Variants in ELF2 observed in about 807,000 individuals in gnomAD.
The protein encoded by ELF2 is E74 like ETS transcription factor 2.
Under a neutral mutation model 54.8 loss-of-function variants are expected in ELF2, and 11 were observed. The observed-to-expected ratio is 0.20, with a 90% CI of 0.13 to 0.33. The LOEUF (loss-of-function observed/expected upper bound fraction) is 0.33, where lower values mean the gene tolerates loss of function less well. Ranked by LOEUF, ELF2 falls within the 10% of genes least tolerant of loss-of-function variation. The probability of loss-of-function intolerance (pLI) is 1.00; values close to 1 mark genes in which losing one functional copy is unlikely to be tolerated. For synonymous variants in ELF2, 203 were observed against 245.1 expected (o/e 0.83, Z 1.61); for missense variants, 513 against 703.0 (o/e 0.73, Z 3.06).
At chr4:139,078,915 A>C (rs187347876) in intron 4 of ELF2, among the ~76,000 whole-genome samples, 1 of 152,136 alleles carries the variant, frequency 6.6e-6, no homozygotes, top group Non-Finnish European at 1.5e-5. Flanking sequence ...GCAACCATAA[A>C]TAACATTTTT....
In ELF2 at chr4:139,113,616, AAGG is replaced by A. The variant is rs1247320718; in HGVS notation, c.238+11545_238+11547del. Among the ~76,000 whole-genome samples the A allele has an allele frequency of 2.6e-5, 4 of 152,224 alleles. No individual in the cohort carries two copies. In the South Asian group the frequency reaches 6.2e-4, roughly 24 times the overall value. On this transcript the variant is annotated intron_variant, in intron 4 of 9. Coordinates refer to ENST00000686138, the MANE Select transcript of ELF2 (RefSeq NM_001331036.3). ...TGTAATCCCAGTACCTTGGGAGACCAAGGAGGACAGATCGAGTCACTTGATGTC... is the reference window on the plus strand; with the variant it reads ...TGTAATCCCAGTACCTTGGGAGACCAAGGACAGATCGAGTCACTTGATGTC...
chr4:139,151,449 T>G (rs1739989089), intron 1 of ELF2, among the ~76,000 whole-genome samples: 1 of 152,160 alleles, frequency 6.6e-6, no homozygotes, highest in Non-Finnish European at 1.5e-5. Flanking sequence ...AGGTGGGGAT[T>G]GGGGGATTCC....
At chr4:139,165,777 C>G (rs747873680) in intron 1 of ELF2, among the ~76,000 whole-genome samples, 92 of 152,304 alleles carry the variant, frequency 6.0e-4, no homozygotes, top group Non-Finnish European at 9.4e-4. Flanking sequence ...CTAAATCAGG[C>G]TTGATATGCT....
intron 4 of ELF2, among the ~76,000 whole-genome samples, chr4:139,120,576 C>T (rs1157502286): frequency 6.6e-6 from 1 of 151,958 alleles, no homozygotes; most frequent in African/African-American, 2.4e-5. Context: ...GTAGCTAGGA[C>T]TACAGGTGCA....
rs545212229 is a variant in ELF2, at chr4:139,103,598, A to G, written c.238+21566T>C. Among the ~76,000 whole-genome samples, 10 of 152,350 alleles carry G rather than the reference A, an allele frequency of 6.6e-5. No homozygotes were observed. The South Asian group carries it at 2.1e-3, about 32-fold the overall frequency. On this transcript the variant is annotated intron_variant, in intron 4 of 9. Transcript: ENST00000686138. ...ATGGGACCTCCATGACCCTTCCCCA[A>G]TACTTCACGCCCTATGCATTTCTTC...
At chr4:139,115,149 G>A in intron 4 of ELF2, 1 of 1,613,164 alleles carries the variant, frequency 6.2e-7, no homozygotes, top group East Asian at 2.2e-5. Context: ...GCTGCTCCAG[G>A]ATCCACTCCT....
intron 1 of ELF2, among the ~76,000 whole-genome samples, chr4:139,161,587 A>C (rs1342047900): frequency 6.6e-6 from 1 of 151,044 alleles, no homozygotes; most frequent in Admixed American, 6.6e-5. Context: ...ACAGGAAAGT[A>C]ACCTGAATGA....
Position 139,073,569 on chromosome 4 carries a change from T to C in ELF2, c.239-2A>G, listed in dbSNP as rs1729832906. 8 of 1,512,016 alleles carry C rather than the reference T, an allele frequency of 5.3e-6. No homozygotes were observed. The highest frequency in any genetic ancestry group is 5.4e-6 in the Non-Finnish European group (6 of 1,119,328). The allele number at this position is 1,512,016 out of a possible 1,614,324, so 93.7% of individuals were successfully genotyped here. A position where few individuals can be genotyped will look rare whatever the true frequency, so the allele number is the denominator to read the frequency against. On this transcript the variant is annotated splice_acceptor_variant, in intron 4 of 9. Coordinates refer to ENST00000686138, the MANE Select transcript of ELF2 (RefSeq NM_001331036.3). LOFTEE classifies it high-confidence loss of function. ...TACTGCTGTGAACTGATGCTTCCAC[T>C]GGAGGAAAAATAAGTTCTACTCAAT... is the stretch of plus-strand genomic sequence containing the variant.
chr4:139,070,111 G>A (rs1054077596), intron 6 of ELF2, among the ~76,000 whole-genome samples: 11 of 151,930 alleles, frequency 7.2e-5, no homozygotes, highest in African/African-American at 2.7e-4. Context: ...CCAAAGTGCT[G>A]GAATTACAGG....
chr4:139,109,422 C>T (rs1409574974), intron 4 of ELF2, among the ~76,000 whole-genome samples: 1 of 152,136 alleles, frequency 6.6e-6, no homozygotes, highest in Non-Finnish European at 1.5e-5. Flanking sequence ...AGTCCCTTGG[C>T]TATTTATGAC....
chr4:139,159,529 AG>A (rs1178459228), intron 1 of ELF2, among the ~76,000 whole-genome samples: 2 of 152,306 alleles, frequency 1.3e-5, no homozygotes, highest in East Asian at 3.9e-4. Context: ...GAGGGATAGA[AG>A]TTGGAACTCT....
intron 1 of ELF2, among the ~76,000 whole-genome samples, chr4:139,147,194 A>G (rs1015234035): frequency 2.0e-5 from 3 of 152,224 alleles, no homozygotes; most frequent in Non-Finnish European, 4.4e-5. Flanking sequence ...TCAGCAAGAA[A>G]AAAAATAATC....
At chr4:139,141,090 C>A (rs1738653166) in intron 1 of ELF2, among the ~76,000 whole-genome samples, 1 of 152,170 alleles carries the variant, frequency 6.6e-6, no homozygotes. Context: ...CTGGCTACTC[C>A]CTTTCAATTC....
chr4:139,063,245 G>A (rs1246805837), intron 7 of ELF2, among the ~76,000 whole-genome samples: 1 of 151,958 alleles, frequency 6.6e-6, no homozygotes. Context: ...GCGACAGAGT[G>A]AAACCCTGTC....
chr4:139,093,398 T>C (rs1326305508), intron 4 of ELF2, among the ~76,000 whole-genome samples: 3 of 152,232 alleles, frequency 2.0e-5, no homozygotes, highest in Non-Finnish European at 4.4e-5. Flanking sequence ...ATTCTTAACT[T>C]ATGCAAGCTG....
intron 1 of ELF2, among the ~76,000 whole-genome samples, chr4:139,173,324 TGAC>T (rs1742518348): frequency 6.6e-6 from 1 of 151,320 alleles, no homozygotes; most frequent in Non-Finnish European, 1.5e-5. Context: ...CCCAAAGAAA[TGAC>T]AACACATCTA....
chr4:139,175,336 G>C (rs776422748), intron 1 of ELF2, among the ~76,000 whole-genome samples: 1 of 152,150 alleles, frequency 6.6e-6, no homozygotes, highest in Non-Finnish European at 1.5e-5. Flanking sequence ...TAAATCCAAT[G>C]AGTTAAATCA....
intron 4 of ELF2, among the ~76,000 whole-genome samples, chr4:139,107,087 T>C (rs1215575306): frequency 1.3e-5 from 2 of 152,166 alleles, no homozygotes; most frequent in African/African-American, 2.4e-5. Flanking sequence ...TTTTTAATCC[T>C]AGATATTTTA....
rs746742342 is a variant in ELF2, at chr4:139,125,220, T to C, written c.182A>G (p.Tyr61Cys). ...AQVLVYDDET[Y>C]MMQDVAEEQE... ...TTCTTCTGCCACATCTTGCATCATA[T>C]AAGTCTCATCATCATAAACCAGAAC... The change falls in exon 4 of 10, where the codon TAT becomes TGT. Residue 61 changes from tyrosine to cysteine, a missense_variant. Tyr to Cys is a radical substitution (Grantham distance 194, BLOSUM62 -2). Around this residue, in one of 3 missense-constraint regions of ELF2, gnomAD observed 203 missense variants for 245.9 expected, o/e 0.83. Transcript: ENST00000686138. 9 of 1,613,812 alleles carry C rather than the reference T, an allele frequency of 5.6e-6. No homozygotes were observed. Among genetic ancestry groups the C allele is most frequent in the Non-Finnish European group, 7.6e-6 (9 of 1,179,946 alleles).
Sources: gnomAD v4.1 joint callset for allele counts (sites outside exome capture counted in the v4.1 genomes callset) on GRCh38, gnomAD v4.1.1 for gene constraint, gnomAD v4.1.1 regional missense constraint, MANE v1.5 for transcripts, NCBI Gene and HGNC (gene_info 2026-07-23, HGNC 2026-07-21) for gene names.